TMEM150C: variants seen among roughly 807,000 people sequenced by gnomAD.
The protein encoded by TMEM150C is transmembrane protein 150C, also known as tentonin 3.
A neutral mutation model predicts 29.9 loss-of-function variants in TMEM150C; 10 were observed. The observed-to-expected ratio is 0.33, with a 90% CI of 0.21 to 0.57. The LOEUF (loss-of-function observed/expected upper bound fraction) is 0.57, where lower values mean the gene tolerates loss of function less well. Among genes scored for constraint, TMEM150C ranks in the 20% least tolerant of loss-of-function variants. The pLI, the probability that TMEM150C is intolerant of heterozygous loss-of-function variation, is 0.88. For synonymous variants in TMEM150C, 101 were observed against 112.5 expected (o/e 0.90, Z 0.64); for missense variants, 251 against 303.6 (o/e 0.83, Z 1.29).
intron 1 of TMEM150C, among the ~76,000 whole-genome samples, chr4:82,539,965 T>G (rs1457353733): frequency 1.3e-5 from 2 of 151,962 alleles, no homozygotes; most frequent in Non-Finnish European, 2.9e-5. Context: ...TACCAAAGAA[T>G]TCAATAGAAA....
chr4:82,518,047 A>G (rs1345114805), intron 1 of TMEM150C, among the ~76,000 whole-genome samples: 2 of 152,248 alleles, frequency 1.3e-5, no homozygotes, highest in Admixed American at 6.5e-5. Flanking sequence ...TGGGCATGGT[A>G]GCTCATGTCT....
intron 1 of TMEM150C, among the ~76,000 whole-genome samples, chr4:82,527,412 G>A (rs1309438108): frequency 6.6e-6 from 1 of 152,094 alleles, no homozygotes; most frequent in East Asian, 1.9e-4. Context: ...GCATCTGCTG[G>A]GCCTGCCACT....
intron 1 of TMEM150C, among the ~76,000 whole-genome samples, chr4:82,558,290 G>A (rs757235163): frequency 3.3e-5 from 5 of 152,092 alleles, no homozygotes; most frequent in African/African-American, 9.7e-5. Flanking sequence ...CATTTCAAGC[G>A]TTCAATAGCC....
intron 5 of TMEM150C, among the ~76,000 whole-genome samples, chr4:82,500,805 TG>T (rs1357528368): frequency 7.2e-5 from 11 of 152,258 alleles, no homozygotes; most frequent in Non-Finnish European, 1.2e-4. Context: ...AAACAATATG[TG>T]GCTTCCAATG....
At chr4:82,516,455 C>T (rs1271048611) in intron 1 of TMEM150C, among the ~76,000 whole-genome samples, 2 of 152,132 alleles carry the variant, frequency 1.3e-5, no homozygotes, top group Non-Finnish European at 2.9e-5. Context: ...TGATACTGTA[C>T]ACACTGCTTA....
intron 7 of TMEM150C, among the ~76,000 whole-genome samples, chr4:82,488,535 C>A (rs908786319): frequency 6.6e-6 from 1 of 152,198 alleles, no homozygotes; most frequent in East Asian, 1.9e-4. Context: ...ACAATCTACC[C>A]TTTAGGAACC....
chr4:82,487,001 C>A (rs762989194), intron 7 of TMEM150C, among the ~76,000 whole-genome samples: 3 of 152,054 alleles, frequency 2.0e-5, no homozygotes, highest in African/African-American at 7.2e-5. Flanking sequence ...GACCTGAAAT[C>A]GGGAAATTTT....
rs543597478 is a variant in TMEM150C, at chr4:82,499,498, G to A, written c.235+3229C>T. Among the ~76,000 whole-genome samples the A allele has an allele frequency of 2.6e-5, 4 of 152,078 alleles. No individual in the cohort carries two copies. The South Asian group carries it at 8.3e-4, about 32-fold the overall frequency. ...GCACTTTGGGAGGCCGAGGCTGGTG[G>A]ATCACCTGAGGTCAAGAGTTCGTGA... is the stretch of plus-strand genomic sequence containing the variant. On this transcript the variant is annotated intron_variant, in intron 5 of 7. Transcript: ENST00000449862.
chr4:82,535,403 G>C (rs919542983), intron 1 of TMEM150C, among the ~76,000 whole-genome samples: 1 of 152,164 alleles, frequency 6.6e-6, no homozygotes. Context: ...GTCAAGACCT[G>C]ATCATTCTTA....
At chr4:82,555,741 A>G (rs1007092268) in intron 1 of TMEM150C, among the ~76,000 whole-genome samples, 1 of 152,196 alleles carries the variant, frequency 6.6e-6, no homozygotes, top group Non-Finnish European at 1.5e-5. Flanking sequence ...TTCTGCCTTC[A>G]CTACTTACTG....
At position 82,554,758 on chromosome 4, in the gene TMEM150C, C is replaced by T. The variant is rs1725688451; in HGVS notation, c.-11+7148G>A. Among the ~76,000 whole-genome samples, 2 of 152,058 alleles carry T rather than the reference C, an allele frequency of 1.3e-5. 1 individual carries two copies. Among genetic ancestry groups the T allele is most frequent in the African/African-American group, 4.8e-5 (2 of 41,394 alleles). ...TAAAGTATGGGCTAATTTCCTATACCGCCATAGTTAAGCATAGTTACTTCT... is the reference window on the plus strand; with the variant it reads ...TAAAGTATGGGCTAATTTCCTATACTGCCATAGTTAAGCATAGTTACTTCT... On this transcript the variant is annotated intron_variant, in intron 1 of 7. Coordinates refer to ENST00000449862, the MANE Select transcript of TMEM150C (RefSeq NM_001080506.3).
intron 2 of TMEM150C, among the ~76,000 whole-genome samples, chr4:82,503,641 G>C (rs1185324179): frequency 3.9e-5 from 6 of 152,126 alleles, no homozygotes; most frequent in African/African-American, 1.4e-4. Context: ...ACGAGGTCAG[G>C]AGATCGAGAC....
chr4:82,486,728 T>A (rs1009984437), intron 7 of TMEM150C, among the ~76,000 whole-genome samples: 1 of 151,892 alleles, frequency 6.6e-6, no homozygotes, highest in African/African-American at 2.4e-5. Context: ...CTAGCTAGGG[T>A]GACGGCAAGG....
At position 82,496,118 on chromosome 4, in the gene TMEM150C, C is replaced by G. The variant is rs758639856; in HGVS notation, c.313G>C (p.Val105Leu). The change falls in exon 6 of 8, where the codon GTG becomes CTG. Residue 105 changes from valine to leucine, a missense_variant. Transcript: ENST00000449862. ...LNPWLNISGLVALCLASFGMT... is the reference protein window; with the variant it reads ...LNPWLNISGLLALCLASFGMT... ...CCGAAGGAAGCCAGACACAGAGCCA[C>G]CAATCCACTAATATTCAGCCACGGG... is the stretch of plus-strand genomic sequence containing the variant. The G allele has an allele frequency of 9.9e-6, 16 of 1,613,832 alleles. No individual in the cohort carries two copies. In the South Asian group the frequency reaches 1.6e-4, roughly 17 times the overall value.
chr4:82,537,942 T>C lies in TMEM150C; in HGVS notation c.-11+23964A>G, dbSNP rs146239295. Among the ~76,000 whole-genome samples, 727 of 152,358 alleles carry C rather than the reference T, an allele frequency of 4.8e-3. 12 individuals carry two copies. The highest frequency in any genetic ancestry group is 0.017 in the African/African-American group (687 of 41,586). On this transcript the variant is annotated intron_variant, in intron 1 of 7. Transcript: ENST00000449862. ...GTGAAAGAATAAGTTTCTCCTGTTT[T>C]AAGCCACAAAGTCTGTGGTAATTTG...
At chr4:82,491,668 A>T (rs1046448154) in intron 6 of TMEM150C, 3 of 490,054 alleles carry the variant, frequency 6.1e-6, no homozygotes, top group Non-Finnish European at 1.1e-5. Flanking sequence ...CTAATTTTTT[A>T]TTTTTTTTAT....
At chr4:82,547,006 G>A (rs1725406519) in intron 1 of TMEM150C, among the ~76,000 whole-genome samples, 1 of 152,028 alleles carries the variant, frequency 6.6e-6, no homozygotes, top group South Asian at 2.1e-4. Flanking sequence ...TTATGACTTA[G>A]TTCTCAAAAG....
intron 1 of TMEM150C, among the ~76,000 whole-genome samples, chr4:82,518,132 A>G (rs140143317): frequency 0.012 from 1,765 of 152,158 alleles, 33 homozygotes; most frequent in African/African-American, 0.041. Context: ...CCTGGCCAAC[A>G]TGGTGAAACT....
At chr4:82,505,148 C>T (rs913695088) in intron 1 of TMEM150C, among the ~76,000 whole-genome samples, 1 of 152,160 alleles carries the variant, frequency 6.6e-6, no homozygotes, top group Admixed American at 6.5e-5. Flanking sequence ...AAACAGTTAA[C>T]ATGGATGATT....
Sources: gnomAD v4.1 joint callset for allele counts (sites outside exome capture counted in the v4.1 genomes callset) on GRCh38, gnomAD v4.1.1 for gene constraint, MANE v1.5 for transcripts, NCBI Gene and HGNC (gene_info 2026-07-23, HGNC 2026-07-21) for gene names.